MDGA2: variants seen among roughly 807,000 people sequenced by gnomAD.
The protein encoded by MDGA2 is MAM domain containing glycosylphosphatidylinositol anchor 2.
MDGA2 carries 40 observed loss-of-function variants against 117.8 expected under a neutral mutation model. That is an observed-to-expected ratio of 0.34 (90% confidence interval 0.26 to 0.44). The LOEUF (loss-of-function observed/expected upper bound fraction) is 0.44, where lower values mean the gene tolerates loss of function less well. Among genes scored for constraint, MDGA2 ranks in the 20% least tolerant of loss-of-function variants. The pLI is 1.00. For missense variants in MDGA2, 1,123 were observed against 1,250.6 expected (o/e 0.90, Z 1.54); for synonymous variants, 452 against 439.0 (o/e 1.03, Z -0.37).
chr14:47,231,683 T>TAATAACA (rs1886695778), intron 2 of MDGA2, among the ~76,000 whole-genome samples: 1 of 151,408 alleles, frequency 6.6e-6, no homozygotes, highest in Admixed American at 6.6e-5. Flanking sequence ...ACTACCTGGG[T>TAATAACA]TTCTTGGAAC....
At chr14:47,552,552 G>C (rs1435603815) in intron 1 of MDGA2, among the ~76,000 whole-genome samples, 1 of 152,054 alleles carries the variant, frequency 6.6e-6, no homozygotes, top group African/African-American at 2.4e-5. Flanking sequence ...GTTAGAATCT[G>C]ATCACACCTC....
At chr14:47,336,839 G>A (rs942378555) in intron 1 of MDGA2, among the ~76,000 whole-genome samples, 5 of 151,748 alleles carry the variant, frequency 3.3e-5, no homozygotes, top group African/African-American at 1.2e-4. Context: ...GTGTAAAAGA[G>A]TTCAGGCATC....
At chr14:47,573,791 A>G (rs997650908) in intron 1 of MDGA2, among the ~76,000 whole-genome samples, 2 of 152,200 alleles carry the variant, frequency 1.3e-5, no homozygotes, top group Non-Finnish European at 2.9e-5. Flanking sequence ...ACATGGAAGG[A>G]GTGTTTTACA....
chr14:47,072,964 CAA>C lies in MDGA2; in HGVS notation c.1196-11388_1196-11387del, dbSNP rs377464053. ...ACGTAACTCCCATAAGTATCAATAA[CAA>C]AAGAGTCTAACCTGATCTCACATAG... is the stretch of plus-strand genomic sequence containing the variant. On this transcript the variant is annotated intron_variant, in intron 6 of 16. Coordinates refer to ENST00000399232, the MANE Select transcript of MDGA2 (RefSeq NM_001113498.3). Among the ~76,000 whole-genome samples, 154 of 152,280 alleles carry C rather than the reference CAA, an allele frequency of 1.0e-3. 2 individuals carry two copies. The highest frequency in any genetic ancestry group is 3.5e-3 in the African/African-American group (146 of 41,554).
intron 3 of MDGA2, among the ~76,000 whole-genome samples, chr14:47,199,995 A>G (rs534131366): frequency 6.9e-6 from 1 of 145,348 alleles, no homozygotes; most frequent in East Asian, 2.2e-4. Flanking sequence ...TGTAAACCAA[A>G]TGCAATGAAT....
chr14:47,610,034 T>G (rs956750856), intron 1 of MDGA2, among the ~76,000 whole-genome samples: 2 of 152,096 alleles, frequency 1.3e-5, no homozygotes, highest in African/African-American at 4.8e-5. Flanking sequence ...TCAATAAATG[T>G]GATGCACCAT....
chr14:47,620,398 C>T (rs989001231), intron 1 of MDGA2, among the ~76,000 whole-genome samples: 11 of 152,176 alleles, frequency 7.2e-5, no homozygotes, highest in African/African-American at 2.2e-4. Flanking sequence ...TAGACGAAAT[C>T]TTTGGCAAAT....
chr14:47,588,209 A>G (rs866877372), intron 1 of MDGA2, among the ~76,000 whole-genome samples: 23 of 145,864 alleles, frequency 1.6e-4, no homozygotes, highest in Non-Finnish European at 3.3e-4. Context: ...GTGTAAAACT[A>G]TATTTTCAAA....
At chr14:47,490,804 C>A (rs1228458545) in intron 1 of MDGA2, among the ~76,000 whole-genome samples, 3 of 152,018 alleles carry the variant, frequency 2.0e-5, no homozygotes, top group Admixed American at 1.3e-4. Context: ...TCTGAAGAAT[C>A]CCCTCCAAGG....
chr14:47,539,778 G>C (rs887868305), intron 1 of MDGA2, among the ~76,000 whole-genome samples: 2 of 152,172 alleles, frequency 1.3e-5, no homozygotes, highest in African/African-American at 4.8e-5. Context: ...AATATTTACA[G>C]TTATATATGG....
chr14:46,984,484 T>G (rs965401500), intron 8 of MDGA2, among the ~76,000 whole-genome samples: 1 of 152,054 alleles, frequency 6.6e-6, no homozygotes, highest in African/African-American at 2.4e-5. Context: ...AGATGCTTTC[T>G]GCTCACACCA....
intron 9 of MDGA2, among the ~76,000 whole-genome samples, chr14:46,944,266 CAAAAGATATTT>C (rs1239912994): frequency 6.6e-6 from 1 of 151,760 alleles, no homozygotes; most frequent in Admixed American, 6.6e-5. Flanking sequence ...ACAGTATTTT[CAAAAGATATTT>C]AAAGATTTAA....
intron 14 of MDGA2, among the ~76,000 whole-genome samples, chr14:46,863,102 A>G (rs1320933010): frequency 6.6e-6 from 1 of 152,022 alleles, no homozygotes; most frequent in African/African-American, 2.4e-5. Context: ...CCATAAGCAC[A>G]GTATTCTCCA....
chr14:47,069,921 G>A (rs1035602688), intron 6 of MDGA2, among the ~76,000 whole-genome samples: 2 of 152,064 alleles, frequency 1.3e-5, no homozygotes, highest in African/African-American at 4.8e-5. Context: ...GCCTTATCTG[G>A]TAAGAAGATG....
At chr14:46,990,511 A>T (rs1887047648) in intron 8 of MDGA2, among the ~76,000 whole-genome samples, 1 of 152,066 alleles carries the variant, frequency 6.6e-6, no homozygotes. Context: ...CATATACAGG[A>T]AACAGGTAAA....
At chr14:47,509,157 C>A (rs969754980) in intron 1 of MDGA2, among the ~76,000 whole-genome samples, 8 of 152,154 alleles carry the variant, frequency 5.3e-5, no homozygotes, top group Non-Finnish European at 7.3e-5. Context: ...GAAAAACAGA[C>A]ATGTCTAGAT....
chr14:47,560,086 T>A (rs560844354), intron 1 of MDGA2, among the ~76,000 whole-genome samples: 1 of 151,740 alleles, frequency 6.6e-6, no homozygotes, highest in Admixed American at 6.6e-5. Context: ...TTTTTTTTTT[T>A]AGACGGAGTC....
At chr14:47,187,029 T>G (rs567965481) in intron 3 of MDGA2, among the ~76,000 whole-genome samples, 1 of 152,142 alleles carries the variant, frequency 6.6e-6, no homozygotes, top group Non-Finnish European at 1.5e-5. Context: ...AGAAAGATGC[T>G]ATTTACACAT....
At chr14:47,627,171 G>C (rs1319808538) in intron 1 of MDGA2, among the ~76,000 whole-genome samples, 1 of 152,082 alleles carries the variant, frequency 6.6e-6, no homozygotes, top group African/African-American at 2.4e-5. Flanking sequence ...CTAGCTCAAG[G>C]TTTGTAAACA....
Sources: allele counts gnomAD v4.1 joint callset (sites outside exome capture counted in the v4.1 genomes callset), GRCh38; gene constraint gnomAD v4.1.1; transcripts MANE v1.5; gene names NCBI Gene and HGNC (gene_info 2026-07-23, HGNC 2026-07-21).